The following EML5 variants were observed in gnomAD, a reference collection of about 807,000 sequenced individuals.
The protein encoded by EML5 is echinoderm microtubule-associated protein-like 5.
EML5 carries 120 observed loss-of-function variants against 250.0 expected under a neutral mutation model. The observed-to-expected ratio is 0.48, with a 90% confidence interval of 0.41 to 0.56. The LOEUF is 0.56. EML5 is among the 20% of genes least tolerant of loss of function. EML5 has a pLI of 0.00. For missense variants in EML5, 2,006 were observed against 2,437.6 expected (o/e 0.82, Z 3.73); for synonymous variants, 771 against 806.5 (o/e 0.96, Z 0.75).
intron 8 of EML5, among the ~76,000 whole-genome samples, chr14:88,723,142 G>A (rs1477339608): frequency 1.3e-5 from 2 of 152,292 alleles, no homozygotes; most frequent in South Asian, 2.1e-4. Flanking sequence ...GCTGGGCACA[G>A]GGGCTCATGC....
chr14:88,781,464 A>G lies in EML5; in HGVS notation c.197+10843T>C, dbSNP rs200857460. ...ACCACAGACTCAGAATAACAATACC[A>G]ATGATACTACCACTAATTATAATTA... On this transcript the variant is annotated intron_variant, in intron 1 of 43. Transcript: ENST00000554922. Among the ~76,000 whole-genome samples the G allele has an allele frequency of 5.9e-5, 9 of 152,324 alleles. No homozygotes were observed. In the East Asian group the frequency reaches 1.7e-3, roughly 29 times the overall value.
At chr14:88,743,962 AAT>A in intron 4 of EML5, 59 bp downstream of exon 4, 1 of 1,143,478 alleles carries the variant, frequency 8.7e-7, no homozygotes, top group Non-Finnish European at 1.2e-6. Context: ...TTAACAGTGC[AAT>A]ATATACTTAG....
chr14:88,773,770 G>T (rs1048566880), intron 1 of EML5, among the ~76,000 whole-genome samples: 1 of 152,116 alleles, frequency 6.6e-6, no homozygotes, highest in Admixed American at 6.5e-5. Context: ...TCAGGAATCT[G>T]GAGCAGTGTT....
Position 88,715,024 on chromosome 14 carries a change from G to C in EML5, c.1359C>G (p.Phe453Leu). 6.2e-7 allele frequency: 1 copy of C among 1,613,870 alleles called. No individual in the cohort carries two copies. Among genetic ancestry groups the C allele is most frequent in the Non-Finnish European group, 8.5e-7 (1 of 1,179,834 alleles). The change falls in exon 9 of 44, where the codon TTC becomes TTG. Residue 453 changes from phenylalanine to leucine, a missense_variant. Physicochemically the swap from Phe to Leu is conservative, Grantham distance 22 (BLOSUM62 0). Transcript: ENST00000554922. Reference sequence around the variant, plus strand: ...CTGAAGACCAGTCCAGATGAGTGATGAAACTAAGGGATCCCAAACACTCGC... The same window carrying C: ...CTGAAGACCAGTCCAGATGAGTGATCAAACTAAGGGATCCCAAACACTCGC... Reference protein sequence around the residue: ...KVGECLGSLSFITHLDWSSDS... With the variant: ...KVGECLGSLSLITHLDWSSDS...
At chr14:88,744,476 T>C (rs2093976093) in intron 3 of EML5, among the ~76,000 whole-genome samples, 1 of 151,952 alleles carries the variant, frequency 6.6e-6, no homozygotes, top group South Asian at 2.1e-4. Flanking sequence ...AGCCTAGAAA[T>C]AAGAAACACC....
In EML5 at chr14:88,745,167, TTGTG is replaced by T. The variant is rs1555370057; in HGVS notation, c.456+1014_456+1017del. 2.7e-3 allele frequency among the ~76,000 whole-genome samples: 391 copies of T among 145,272 alleles called. 1 individual carries two copies. Among genetic ancestry groups the T allele is most frequent in the East Asian group, 0.012 (59 of 4,976 alleles). ...TTTAATAATGGTCTAAATTGTGTGT[TTGTG>T]TGTGTGTGTGTGTGTGTGTGTGTGT... On this transcript the variant is annotated intron_variant, in intron 3 of 43. Coordinates refer to ENST00000554922, the MANE Select transcript of EML5 (RefSeq NM_183387.3).
Position 88,642,975 on chromosome 14 carries a change from C to T in EML5, c.4155G>A (p.Arg1385=). Residue 1385 remains arginine, a synonymous_variant, in exon 31 of 44, where the codon AGG becomes AGA. Transcript: ENST00000554922. ...CATCATTTAAATAGTGAACATTATTCCTACAGTCTCTGCCTCGATAACCAA... is the reference window on the plus strand; with the variant it reads ...CATCATTTAAATAGTGAACATTATTTCTACAGTCTCTGCCTCGATAACCAA... The part of the protein sequence containing the change: ...LIFGYRGRDC[R]NNVHYLNDGD... 2 of 1,604,474 alleles carry T rather than the reference C, an allele frequency of 1.2e-6. No individual in the cohort carries two copies. The highest frequency in any genetic ancestry group is 2.3e-5 in the East Asian group (1 of 44,412).
At chr14:88,730,947 ACTCT>A (rs1056339383) in intron 7 of EML5, among the ~76,000 whole-genome samples, 4 of 151,396 alleles carry the variant, frequency 2.6e-5, no homozygotes, top group Admixed American at 2.0e-4. Context: ...AAAAAATAAG[ACTCT>A]CTCGTTTTTT....
In EML5 at chr14:88,702,621, T is replaced by C. The variant is rs1247701581; in HGVS notation, c.2063A>G (p.Tyr688Cys). 10 of 1,572,060 alleles carry C rather than the reference T, an allele frequency of 6.4e-6. No homozygotes were observed. The highest frequency in any genetic ancestry group is 1.9e-5 in the Admixed American group (1 of 52,636). The change falls in exon 14 of 44, where the codon TAT becomes TGT. Residue 688 changes from tyrosine to cysteine, a missense_variant. Coordinates refer to ENST00000554922, the MANE Select transcript of EML5 (RefSeq NM_183387.3). Reference protein sequence around the residue: ...RLHFVHGYRGYDCRSNLFYTQ... With the variant: ...RLHFVHGYRGCDCRSNLFYTQ... Reference sequence around the variant, plus strand: ...ATAAAACAGATTACTTCGACAGTCATAACCTCTGTAACTAATATAGAAAAC... The same window carrying C: ...ATAAAACAGATTACTTCGACAGTCACAACCTCTGTAACTAATATAGAAAAC...
intron 19 of EML5, among the ~76,000 whole-genome samples, chr14:88,687,009 A>C (rs1448349255): frequency 6.6e-6 from 1 of 152,212 alleles, no homozygotes; most frequent in Non-Finnish European, 1.5e-5. Flanking sequence ...GTATTTCACT[A>C]ATATTTTACC....
At chr14:88,665,557 T>A in intron 21 of EML5, 68 bp from the exon 22 acceptor site, 1 of 1,595,728 alleles carries the variant, frequency 6.3e-7, no homozygotes, top group Non-Finnish European at 8.5e-7. Flanking sequence ...CCAGGTGTGG[T>A]GGCTCATGCC....
At chr14:88,727,778 A>G (rs1016907878) in intron 7 of EML5, among the ~76,000 whole-genome samples, 1 of 152,180 alleles carries the variant, frequency 6.6e-6, no homozygotes, top group Admixed American at 6.5e-5. Flanking sequence ...CCAAAGGGAG[A>G]GAGTGTGTGT....
intron 21 of EML5, among the ~76,000 whole-genome samples, chr14:88,678,485 C>A (rs969554803): frequency 6.6e-6 from 1 of 152,100 alleles, no homozygotes; most frequent in Non-Finnish European, 1.5e-5. Flanking sequence ...TCTGCCCTAA[C>A]GGCATAGCAG....
chr14:88,766,323 T>C (rs576090166), intron 1 of EML5, among the ~76,000 whole-genome samples: 47 of 152,118 alleles, frequency 3.1e-4, no homozygotes, highest in Admixed American at 3.9e-4. Context: ...CAAAAGCAAA[T>C]AGGAGAAATA....
chr14:88,786,045 C>T (rs532437955), intron 1 of EML5, among the ~76,000 whole-genome samples: 37 of 152,316 alleles, frequency 2.4e-4, no homozygotes, highest in African/African-American at 8.9e-4. Flanking sequence ...GCCACACTAA[C>T]ATTCTTACTA....
intron 1 of EML5, among the ~76,000 whole-genome samples, chr14:88,773,068 A>G (rs965162003): frequency 6.6e-6 from 1 of 152,198 alleles, no homozygotes; most frequent in East Asian, 1.9e-4. Context: ...TCTGCATGCC[A>G]GTGTTACAAG....
At chr14:88,786,870 C>T (rs185884062) in intron 1 of EML5, among the ~76,000 whole-genome samples, 32 of 152,270 alleles carry the variant, frequency 2.1e-4, no homozygotes, top group Non-Finnish European at 4.3e-4. Context: ...ATCTCTTTAT[C>T]AGCAGCATGA....
At chr14:88,690,979 G>A (rs2092944768) in intron 17 of EML5, among the ~76,000 whole-genome samples, 1 of 152,192 alleles carries the variant, frequency 6.6e-6, no homozygotes, top group Admixed American at 6.5e-5. Context: ...GACCAAGTCT[G>A]TTTACTTCTC....
chr14:88,641,550 A>C (rs906505755), intron 31 of EML5, among the ~76,000 whole-genome samples: 2 of 152,188 alleles, frequency 1.3e-5, no homozygotes, highest in Non-Finnish European at 2.9e-5. Context: ...TTTACCATAT[A>C]AACAGAATTA....
Sources: gnomAD v4.1 joint callset for allele counts (sites outside exome capture counted in the v4.1 genomes callset) on GRCh38, gnomAD v4.1.1 for gene constraint, MANE v1.5 for transcripts, NCBI Gene and HGNC (gene_info 2026-07-23, HGNC 2026-07-21) for gene names.